Variants in WNT9B observed in about 807,000 individuals in gnomAD.
WNT9B encodes Wnt family member 9B.
In WNT9B, 12 loss-of-function variants were observed where a neutral mutation model predicts 30.2. The observed-to-expected ratio is 0.40, with a 90% CI of 0.26 to 0.64. WNT9B has a LOEUF of 0.64. Ranked by LOEUF, WNT9B falls within the 30% of genes least tolerant of loss-of-function variation. The pLI, the probability that WNT9B is intolerant of heterozygous loss-of-function variation, is 0.42. For missense variants in WNT9B, 442 were observed against 485.2 expected (o/e 0.91, Z 0.84); for synonymous variants, 218 against 216.9 (o/e 1.01, Z -0.05).
intron 1 of WNT9B, among the ~76,000 whole-genome samples, chr17:46,861,481 C>T (rs1281306898): frequency 6.6e-6 from 1 of 152,208 alleles, no homozygotes; most frequent in Non-Finnish European, 1.5e-5. Flanking sequence ...CTCTGGGGCA[C>T]ATACTACCTC....
upstream of WNT9B, among the ~76,000 whole-genome samples, chr17:46,846,627 C>T (rs1161296655): frequency 6.6e-6 from 1 of 152,186 alleles, no homozygotes; most frequent in Non-Finnish European, 1.5e-5. Flanking sequence ...GGGTGGGGGG[C>T]CACCAAAGGG....
intron 1 of WNT9B, among the ~76,000 whole-genome samples, chr17:46,868,475 A>G (rs1598857006): frequency 6.6e-6 from 1 of 152,242 alleles, no homozygotes; most frequent in Non-Finnish European, 1.5e-5. Context: ...ACGTGCCCAT[A>G]ATCCCAGCTA....
chr17:46,872,386 G>A (rs535346852), intron 1 of WNT9B, 131 bp from the exon 2 acceptor site: 35 of 1,331,088 alleles, frequency 2.6e-5, no homozygotes, highest in African/African-American at 6.0e-5. Context: ...AAATGGGGAC[G>A]GGACCTCCAG....
chr17:46,876,127 ACC>A, intron 3 of WNT9B, 116 bp from the exon 4 acceptor site: 1 of 965,476 alleles, frequency 1.0e-6, no homozygotes. Context: ...TGGGGCTGAG[ACC>A]CTGGGTCTCT....
At chr17:46,846,690 A>G (rs1946349685), upstream of WNT9B, among the ~76,000 whole-genome samples, 1 of 152,098 alleles carries the variant, frequency 6.6e-6, no homozygotes, top group Non-Finnish European at 1.5e-5. Context: ...GCTGCTGGAT[A>G]AAGGGCTGGA....
chr17:46,861,114 C>A (rs2085029925), intron 1 of WNT9B, among the ~76,000 whole-genome samples: 2 of 152,234 alleles, frequency 1.3e-5, no homozygotes, highest in Non-Finnish European at 2.9e-5. Context: ...GGCAGTGGAA[C>A]CCCAACTGGA....
intron 1 of WNT9B, among the ~76,000 whole-genome samples, chr17:46,833,834 G>A (rs902034697): frequency 1.3e-5 from 2 of 152,032 alleles, no homozygotes; most frequent in Non-Finnish European, 2.9e-5. Flanking sequence ...AACTTCCTTC[G>A]CCTCTTTTTC....
intron 1 of WNT9B, among the ~76,000 whole-genome samples, chr17:46,857,692 G>C (rs1377375483): frequency 6.6e-6 from 1 of 152,112 alleles, no homozygotes; most frequent in Admixed American, 6.6e-5. Context: ...ATTTTACACA[G>C]TAATGTATGA....
chr17:46,863,639 A>T (rs368747321), intron 1 of WNT9B, among the ~76,000 whole-genome samples: 148 of 152,328 alleles, frequency 9.7e-4, no homozygotes, highest in Middle Eastern at 3.4e-3. Flanking sequence ...ATCAAATGTT[A>T]AAAAAGGACA....
chr17:46,861,173 G>A (rs557813663), intron 1 of WNT9B, among the ~76,000 whole-genome samples: 1 of 152,224 alleles, frequency 6.6e-6, no homozygotes, highest in Non-Finnish European at 1.5e-5. Context: ...CGACCCTGTG[G>A]CCCAGGCCCT....
chr17:46,856,251 A>G (rs2084936233), intron 1 of WNT9B, among the ~76,000 whole-genome samples: 1 of 152,256 alleles, frequency 6.6e-6, no homozygotes, highest in African/African-American at 2.4e-5. Flanking sequence ...GAGAATACCT[A>G]TCTGAGAGGT....
At chr17:46,869,224 G>A (rs1245733679) in intron 1 of WNT9B, among the ~76,000 whole-genome samples, 3 of 152,116 alleles carry the variant, frequency 2.0e-5, no homozygotes, top group South Asian at 2.1e-4. Flanking sequence ...AAAATTAACC[G>A]ACTTGATACT....
At chr17:46,872,228 A>G (rs548179559) in intron 1 of WNT9B, among the ~76,000 whole-genome samples, 118 of 152,338 alleles carry the variant, frequency 7.7e-4, no homozygotes, top group African/African-American at 2.7e-3. Context: ...GCGTATTTTT[A>G]ATAAGCACCC....
At chr17:46,843,551 T>C (rs996150346) in intron 1 of WNT9B, among the ~76,000 whole-genome samples, 1 of 152,260 alleles carries the variant, frequency 6.6e-6, no homozygotes, top group African/African-American at 2.4e-5. Flanking sequence ...CCTGGGTTCC[T>C]GCCTCATTTG....
chr17:46,882,828 G>C (rs2085440564), downstream of WNT9B, among the ~76,000 whole-genome samples: 1 of 152,166 alleles, frequency 6.6e-6, no homozygotes, highest in East Asian at 1.9e-4. Flanking sequence ...TCCCAGACAA[G>C]GGGAGAGACA....
intron 1 of WNT9B, among the ~76,000 whole-genome samples, chr17:46,839,932 C>CTT (rs1181400204): frequency 1.4e-5 from 2 of 138,288 alleles, no homozygotes; most frequent in South Asian, 4.8e-4. Context: ...TTCTTTCTTT[C>CTT]TTTCTTTCTT....
intron 1 of WNT9B, among the ~76,000 whole-genome samples, chr17:46,862,363 G>A (rs947421740): frequency 5.9e-5 from 9 of 152,068 alleles, no homozygotes; most frequent in Non-Finnish European, 1.3e-4. Flanking sequence ...TATTAATTTT[G>A]CAGGTAGACA....
rs2085392550 is a variant in WNT9B at position 46,879,320 on chromosome 17, G to A, written c.*2602G>A. ...AAACCTGTATTCCATGACTGGGTCT[G>A]TCTCGGAGCTGGTAAGCACATGTCC... On this transcript the variant is annotated 3_prime_UTR_variant, in exon 4 of 4. Transcript: ENST00000290015. Among the ~76,000 whole-genome samples, 1 of 152,144 alleles carries A rather than the reference G, an allele frequency of 6.6e-6. No homozygotes were observed. Among genetic ancestry groups the A allele is most frequent in the South Asian group, 2.1e-4 (1 of 4,828 alleles).
intron 1 of WNT9B, among the ~76,000 whole-genome samples, chr17:46,872,018 C>T (rs577920074): frequency 3.9e-5 from 6 of 152,220 alleles, no homozygotes; most frequent in Admixed American, 6.5e-5. Flanking sequence ...GCTGGGTGTC[C>T]GCTCAATGTC....
Sources: allele counts gnomAD v4.1 joint callset (sites outside exome capture counted in the v4.1 genomes callset), GRCh38; gene constraint gnomAD v4.1.1; transcripts MANE v1.5; gene names NCBI Gene and HGNC (gene_info 2026-07-23, HGNC 2026-07-21).